NRG3: variants seen among roughly 807,000 people sequenced by gnomAD.
The protein encoded by NRG3 is neuregulin 3.
Under a neutral mutation model 66.9 loss-of-function variants are expected in NRG3, and 31 were observed. That is an observed-to-expected ratio of 0.46 (90% CI 0.35 to 0.63). The LOEUF is 0.63. NRG3 is among the 20% of genes least tolerant of loss of function. NRG3 has a pLI of 0.00. For missense variants in NRG3, 910 were observed against 878.9 expected (o/e 1.04, Z -0.45); for synonymous variants, 393 against 359.4 (o/e 1.09, Z -1.06).
chr10:82,932,894 C>T (rs1847710975), intron 4 of NRG3, among the ~76,000 whole-genome samples: 1 of 152,066 alleles, frequency 6.6e-6, no homozygotes, highest in South Asian at 2.1e-4. Flanking sequence ...TCCTCCTTTC[C>T]CCTTGATATC....
intron 2 of NRG3, among the ~76,000 whole-genome samples, chr10:82,482,392 G>A (rs185888546): frequency 2.6e-5 from 4 of 152,262 alleles, no homozygotes; most frequent in Admixed American, 6.5e-5. Flanking sequence ...TTCTGGGAAC[G>A]CAAAGAATAT....
intron 1 of NRG3, among the ~76,000 whole-genome samples, chr10:82,149,775 G>A (rs1163834308): frequency 6.6e-6 from 1 of 151,506 alleles, no homozygotes; most frequent in Non-Finnish European, 1.5e-5. Context: ...TATTTCCACA[G>A]TGTTTTTATG....
intron 2 of NRG3, among the ~76,000 whole-genome samples, chr10:82,461,400 T>C (rs536045202): frequency 2.0e-5 from 3 of 152,260 alleles, no homozygotes; most frequent in Admixed American, 1.3e-4. Context: ...TTCCACTGTG[T>C]GTCAAGCTTC....
chr10:82,624,190 AAT>A (rs1469155392), intron 2 of NRG3, among the ~76,000 whole-genome samples: 1 of 152,174 alleles, frequency 6.6e-6, no homozygotes, highest in Non-Finnish European at 1.5e-5. Flanking sequence ...TCCAGCAGTT[AAT>A]ATGTGTATTA....
At chr10:82,790,672 T>G (rs546902958) in intron 3 of NRG3, among the ~76,000 whole-genome samples, 1 of 152,212 alleles carries the variant, frequency 6.6e-6, no homozygotes, top group Admixed American at 6.5e-5. Context: ...TTTGCCTTAT[T>G]TTCTTTCTCA....
At chr10:81,914,769 CA>C (rs58460918) in intron 1 of NRG3, among the ~76,000 whole-genome samples, 2,623 of 67,212 alleles carry the variant, frequency 0.039, 78 homozygotes, top group African/African-American at 0.11. Flanking sequence ...AAACAGAAAG[CA>C]AAAAAAAAAA....
intron 3 of NRG3, among the ~76,000 whole-genome samples, chr10:82,792,935 C>G (rs1425457298): frequency 6.6e-6 from 1 of 152,046 alleles, no homozygotes; most frequent in African/African-American, 2.4e-5. Context: ...CCCACCTCGG[C>G]GTCCCAAAGT....
At chr10:81,907,817 AC>A (rs1564648021) in intron 1 of NRG3, among the ~76,000 whole-genome samples, 3 of 152,122 alleles carry the variant, frequency 2.0e-5, no homozygotes, top group African/African-American at 7.2e-5. Flanking sequence ...ACTCCTTGAT[AC>A]CCTTCTTCCA....
chr10:82,439,619 T>A (rs1416013545), intron 2 of NRG3, among the ~76,000 whole-genome samples: 1 of 152,076 alleles, frequency 6.6e-6, no homozygotes, highest in Non-Finnish European at 1.5e-5. Flanking sequence ...AATTTACATA[T>A]CCTATTACAT....
chr10:82,150,641 G>A (rs1373363870), intron 1 of NRG3, among the ~76,000 whole-genome samples: 4 of 150,972 alleles, frequency 2.6e-5, no homozygotes, highest in Non-Finnish European at 5.9e-5. Context: ...GTTGACTCTT[G>A]TAAACTGCAA....
chr10:82,532,876 G>T (rs1011020458), intron 2 of NRG3, among the ~76,000 whole-genome samples: 4 of 150,854 alleles, frequency 2.7e-5, no homozygotes, highest in Middle Eastern at 3.5e-3. Context: ...GCACCACTTT[G>T]CATTTCCATG....
chr10:82,605,337 T>TC (rs1278851930), intron 2 of NRG3, among the ~76,000 whole-genome samples: 2 of 152,068 alleles, frequency 1.3e-5, no homozygotes, highest in African/African-American at 4.8e-5. Context: ...TATGATATAA[T>TC]CATAAGATTT....
intron 4 of NRG3, among the ~76,000 whole-genome samples, chr10:82,926,987 T>C (rs182822974): frequency 2.0e-5 from 3 of 152,322 alleles, no homozygotes; most frequent in African/African-American, 7.2e-5. Context: ...AGTTTAGTTT[T>C]CTGGGAAGGG....
intron 1 of NRG3, among the ~76,000 whole-genome samples, chr10:81,924,665 C>G (rs1374304448): frequency 6.6e-6 from 1 of 152,174 alleles, no homozygotes; most frequent in African/African-American, 2.4e-5. Context: ...TTTTAAGACT[C>G]TAGACCATCG....
intron 1 of NRG3, among the ~76,000 whole-genome samples, chr10:82,277,255 C>A (rs1434682942): frequency 1.3e-5 from 2 of 151,914 alleles, no homozygotes; most frequent in Admixed American, 6.6e-5. Context: ...CTTAAATAAT[C>A]ATTAGTTTAG....
chr10:82,920,265 TA>T, intron 4 of NRG3, among the ~76,000 whole-genome samples: 1 of 152,284 alleles, frequency 6.6e-6, no homozygotes. Context: ...TCTGAAATCA[TA>T]TCATATATAG....
At chr10:82,554,761 A>T (rs1270047400) in intron 2 of NRG3, among the ~76,000 whole-genome samples, 4 of 152,210 alleles carry the variant, frequency 2.6e-5, no homozygotes, top group Non-Finnish European at 5.9e-5. Flanking sequence ...AAATCAAGCT[A>T]AAGATGTAAT....
At chr10:82,419,560 C>T (rs1292877124) in intron 2 of NRG3, among the ~76,000 whole-genome samples, 1 of 152,112 alleles carries the variant, frequency 6.6e-6, no homozygotes, top group African/African-American at 2.4e-5. Context: ...AAGTGATTAG[C>T]GCACAACAAA....
intron 1 of NRG3, among the ~76,000 whole-genome samples, chr10:82,215,505 T>C (rs1051035945): frequency 3.3e-5 from 5 of 152,196 alleles, no homozygotes; most frequent in African/African-American, 1.2e-4. Flanking sequence ...ATGAGTGGTG[T>C]GTATATGTGT....
Sources: allele counts gnomAD v4.1 joint callset (sites outside exome capture counted in the v4.1 genomes callset), GRCh38; gene constraint gnomAD v4.1.1; transcripts MANE v1.5; gene names NCBI Gene and HGNC (gene_info 2026-07-23, HGNC 2026-07-21).